Variants in PAM observed in about 807,000 individuals in gnomAD.
PAM encodes peptidyl-glycine alpha-amidating monooxygenase.
A neutral mutation model predicts 122.1 loss-of-function variants in PAM; 72 were observed. The observed-to-expected ratio is 0.59, with a 90% confidence interval of 0.49 to 0.72. The LOEUF (loss-of-function observed/expected upper bound fraction) is 0.72, where lower values mean the gene tolerates loss of function less well. PAM is among the 30% of genes least tolerant of loss of function. The pLI is 0.00. For missense variants in PAM, 1,106 were observed against 1,183.7 expected (o/e 0.93, Z 0.96); for synonymous variants, 389 against 404.4 (o/e 0.96, Z 0.46).
At chr5:102,900,187 G>A (rs941321793) in intron 3 of PAM, among the ~76,000 whole-genome samples, 2 of 145,964 alleles carry the variant, frequency 1.4e-5, no homozygotes, top group African/African-American at 5.1e-5. Context: ...GATCACATGA[G>A]GGGTGCAGCT....
At chr5:102,860,914 G>C (rs1425861179) in intron 1 of PAM, among the ~76,000 whole-genome samples, 1 of 152,086 alleles carries the variant, frequency 6.6e-6, no homozygotes, top group Non-Finnish European at 1.5e-5. Context: ...TCATGCCCTG[G>C]GTGGTCTTCT....
At chr5:102,785,917 A>G (rs1012114936) in intron 1 of PAM, among the ~76,000 whole-genome samples, 12 of 152,190 alleles carry the variant, frequency 7.9e-5, no homozygotes, top group African/African-American at 2.9e-4. Context: ...TTTTTTTAAC[A>G]TGTTCGTTTT....
At chr5:102,855,820 G>A (rs777776903) in intron 1 of PAM, among the ~76,000 whole-genome samples, 47 of 151,866 alleles carry the variant, frequency 3.1e-4, no homozygotes, top group Non-Finnish European at 1.2e-4. Context: ...ACTGAAGCCC[G>A]GTACACTAAA....
chr5:102,779,886 C>CATATAT (rs767088116), intron 1 of PAM, among the ~76,000 whole-genome samples: 1,664 of 80,942 alleles, frequency 0.021, 36 homozygotes, highest in East Asian at 0.047. Flanking sequence ...CTCCCATATA[C>CATATAT]ATATATATAT....
At chr5:102,893,390 A>G (rs1314409143) in intron 3 of PAM, among the ~76,000 whole-genome samples, 1 of 151,784 alleles carries the variant, frequency 6.6e-6, no homozygotes, top group African/African-American at 2.4e-5. Flanking sequence ...CCTTGGAGCC[A>G]TAACAGAATG....
At chr5:102,913,853 CT>C (rs878953435) in intron 4 of PAM, 80 bp from the exon 5 acceptor site, 1 of 782,412 alleles carries the variant, frequency 1.3e-6, no homozygotes, top group South Asian at 1.5e-5. Flanking sequence ...GGTATTTGAA[CT>C]GTTCAAAGAT....
At chr5:102,792,372 G>T (rs946158883) in intron 1 of PAM, among the ~76,000 whole-genome samples, 1 of 152,180 alleles carries the variant, frequency 6.6e-6, no homozygotes, top group Non-Finnish European at 1.5e-5. Context: ...GACTATGGAG[G>T]TTACTTTCAA....
At chr5:102,962,766 C>A (rs2150268007) in intron 14 of PAM, among the ~76,000 whole-genome samples, 1 of 151,764 alleles carries the variant, frequency 6.6e-6, no homozygotes, top group Non-Finnish European at 1.5e-5. Context: ...GTTATATACG[C>A]CTACAAACCA....
intron 3 of PAM, among the ~76,000 whole-genome samples, chr5:102,869,553 T>C (rs1366634214): frequency 6.6e-6 from 1 of 152,208 alleles, no homozygotes; most frequent in East Asian, 1.9e-4. Context: ...TGAATATTTC[T>C]TCCATTTTTT....
chr5:102,992,141 G>C (rs1204838780), intron 16 of PAM, among the ~76,000 whole-genome samples: 1 of 152,096 alleles, frequency 6.6e-6, no homozygotes, highest in Non-Finnish European at 1.5e-5. Flanking sequence ...GGCTTATCTG[G>C]CTGTGCTAGC....
At chr5:103,004,675 G>A (rs1419421136) in intron 17 of PAM, among the ~76,000 whole-genome samples, 1 of 152,124 alleles carries the variant, frequency 6.6e-6, no homozygotes, top group Non-Finnish European at 1.5e-5. Context: ...TGTGCTGTGG[G>A]TTTTACTGTC....
chr5:103,022,072 A>G (rs551813380), intron 23 of PAM, among the ~76,000 whole-genome samples: 1 of 152,176 alleles, frequency 6.6e-6, no homozygotes, highest in East Asian at 1.9e-4. Context: ...GTATAGCAAT[A>G]TCTCACCAAA....
chr5:102,984,284 T>C (rs187894862), intron 15 of PAM, among the ~76,000 whole-genome samples: 23 of 152,358 alleles, frequency 1.5e-4, no homozygotes, highest in African/African-American at 4.8e-4. Flanking sequence ...TTCTCACTTA[T>C]ATAGACTGCC....
chr5:102,820,544 A>G (rs570581115), intron 1 of PAM, among the ~76,000 whole-genome samples: 1 of 152,276 alleles, frequency 6.6e-6, no homozygotes, highest in South Asian at 2.1e-4. Flanking sequence ...AAGCATAGGA[A>G]AAATGGTATT....
chr5:102,958,138 A>G (rs1761374594), intron 12 of PAM, among the ~76,000 whole-genome samples: 1 of 152,162 alleles, frequency 6.6e-6, no homozygotes, highest in Admixed American at 6.5e-5. Context: ...GTGGGTGGGT[A>G]TACCTTCTCC....
At chr5:102,851,481 A>C (rs1781346522) in intron 1 of PAM, among the ~76,000 whole-genome samples, 1 of 152,158 alleles carries the variant, frequency 6.6e-6, no homozygotes, top group Non-Finnish European at 1.5e-5. Flanking sequence ...AATTTATCAT[A>C]AATTTTATTC....
In PAM at chr5:103,025,141, A is replaced by G. The variant is rs1349049954; in HGVS notation, c.2496A>G (p.Ala832=). Reference sequence around the variant, plus strand: ...CTTCTTTCCCTGAAGAAGCCGAGGCAGTTGTTGAAACCAAAATGGAGAACA... The same window carrying G: ...CTTCTTTCCCTGAAGAAGCCGAGGCGGTTGTTGAAACCAAAATGGAGAACA... ...IEVQEIKEAE[A]VVETKMENKP... The change falls in exon 24 of 26, where the codon GCA becomes GCG. Residue 832 remains alanine, a synonymous_variant. Transcript: ENST00000438793. 18 of 1,612,480 alleles carry G rather than the reference A, an allele frequency of 1.1e-5. No homozygotes were observed. The highest frequency in any genetic ancestry group is 1.4e-5 in the Non-Finnish European group (17 of 1,178,686).
At chr5:102,874,119 G>A (rs6868471) in intron 3 of PAM, among the ~76,000 whole-genome samples, 13,646 of 152,078 alleles carry the variant, frequency 0.09, 1,515 homozygotes, top group African/African-American at 0.25. Context: ...AAATAGCATC[G>A]TTATTAGAAA....
chr5:102,925,174 C>G (rs1231082383), intron 6 of PAM, 132 bp downstream of exon 6: 3 of 641,384 alleles, frequency 4.7e-6, no homozygotes, highest in Non-Finnish European at 8.6e-6. Flanking sequence ...AAAGTACTTG[C>G]ATTACCTCTT....
Sources: allele counts gnomAD v4.1 joint callset (sites outside exome capture counted in the v4.1 genomes callset), GRCh38; gene constraint gnomAD v4.1.1; transcripts MANE v1.5; gene names NCBI Gene and HGNC (gene_info 2026-07-23, HGNC 2026-07-21).